EMID1: variants seen among roughly 807,000 people sequenced by gnomAD.
The protein encoded by EMID1 is EMI domain-containing protein 1.
EMID1 carries 40 observed loss-of-function variants against 60.6 expected under a neutral mutation model. That is an observed-to-expected ratio of 0.66 (90% CI 0.51 to 0.86). The LOEUF is 0.86. Ranked by LOEUF, EMID1 falls within the 40% of genes least tolerant of loss-of-function variation. EMID1 has a pLI of 0.00. For synonymous variants in EMID1, 242 were observed against 231.0 expected, an observed-to-expected ratio of 1.05 and a Z score of -0.43; for missense variants, 585 against 597.1, an observed-to-expected ratio of 0.98 and a Z score of 0.21.
intron 12 of EMID1, among the ~76,000 whole-genome samples, chr22:29,234,700 T>C (rs1449203903): frequency 6.6e-6 from 1 of 152,240 alleles, no homozygotes. Flanking sequence ...TGTTATTAGG[T>C]GCATTCACAT....
intron 3 of EMID1, among the ~76,000 whole-genome samples, chr22:29,222,460 A>G (rs1391052115): frequency 7.6e-6 from 1 of 130,738 alleles, no homozygotes; most frequent in Non-Finnish European, 1.6e-5. Context: ...GCTGGAGTGC[A>G]GTGGTGCAAT....
At chr22:29,226,622 C>A in intron 5 of EMID1, 71 bp downstream of exon 5, 1 of 1,481,376 alleles carries the variant, frequency 6.8e-7, no homozygotes, top group Non-Finnish European at 9.1e-7. Flanking sequence ...CCATCCCACC[C>A]TCCCCACCTC....
intron 12 of EMID1, among the ~76,000 whole-genome samples, chr22:29,242,469 A>T (rs1289988329): frequency 6.6e-6 from 1 of 152,172 alleles, no homozygotes; most frequent in East Asian, 1.9e-4. Flanking sequence ...AGATATTTTA[A>T]ACTCCTTTGC....
chr22:29,225,451 T>C (rs1008463794), intron 4 of EMID1, among the ~76,000 whole-genome samples: 2 of 152,240 alleles, frequency 1.3e-5, no homozygotes, highest in African/African-American at 4.8e-5. Flanking sequence ...CCATGACCCC[T>C]GGACTCTTGC....
At chr22:29,246,480 G>A (rs979286918) in intron 13 of EMID1, among the ~76,000 whole-genome samples, 9 of 152,184 alleles carry the variant, frequency 5.9e-5, no homozygotes, top group Non-Finnish European at 1.2e-4. Flanking sequence ...GCAGTGGGTG[G>A]GAGCCAGTGA....
intron 1 of EMID1, among the ~76,000 whole-genome samples, chr22:29,207,436 C>G (rs2039713214): frequency 6.6e-6 from 1 of 152,152 alleles, no homozygotes; most frequent in African/African-American, 2.4e-5. Flanking sequence ...CATGACCTGC[C>G]CAGAGCATGG....
chr22:29,232,723 G>A, intron 8 of EMID1: 1 of 292,970 alleles, frequency 3.4e-6, no homozygotes, highest in Non-Finnish European at 6.3e-6. Flanking sequence ...CTGGAATCCA[G>A]TTCTCGGAAC....
rs148444183 is a variant in EMID1, at chr22:29,249,914, C to T, written c.1120-4289C>T. 1.8e-4 allele frequency among the ~76,000 whole-genome samples: 28 copies of T among 152,198 alleles called. No homozygotes were observed. In the East Asian group the frequency reaches 5.4e-3, roughly 29 times the overall value. ...ACAGGTGTGAGCCACCACGCCTGGC[C>T]CCCAAAATGCCTTTTAAAGCTCTTT... is the stretch of plus-strand genomic sequence containing the variant. On this transcript the variant is annotated intron_variant, in intron 13 of 14. Transcript: ENST00000334018.
chr22:29,214,187 C>T (rs2039995539), intron 1 of EMID1, among the ~76,000 whole-genome samples: 1 of 152,198 alleles, frequency 6.6e-6, no homozygotes, highest in South Asian at 2.1e-4. Context: ...AGGGCCTCTC[C>T]TCTTGCATGC....
Position 29,234,352 on chromosome 22 carries a change from A to T in EMID1, c.1074+3A>T. 1 of 1,613,250 alleles carries T rather than the reference A, an allele frequency of 6.2e-7. No homozygotes were observed. The highest frequency in any genetic ancestry group is 1.1e-5 in the South Asian group (1 of 90,916). On this transcript the variant is annotated splice_donor_region_variant and intron_variant, in intron 12 of 14. Transcript: ENST00000334018. The stretch of plus-strand genomic sequence containing the variant: ...CCCAAGGCTCTGCTGGGCAGCGGGT[A>T]AGTGTTGCTGTCTGTCCCGCATTCA...
intron 3 of EMID1, among the ~76,000 whole-genome samples, chr22:29,224,005 C>T (rs1320306414): frequency 6.6e-6 from 1 of 152,246 alleles, no homozygotes; most frequent in South Asian, 2.1e-4. Context: ...GTGCCGGCCC[C>T]AGTCCTGGGC....
intron 5 of EMID1, among the ~76,000 whole-genome samples, chr22:29,229,317 C>A (rs553267312): frequency 6.6e-6 from 1 of 151,822 alleles, no homozygotes; most frequent in Non-Finnish European, 1.5e-5. Flanking sequence ...CTAGCCTGGA[C>A]GGCAGAGCTA....
intron 1 of EMID1, among the ~76,000 whole-genome samples, chr22:29,209,798 G>A (rs1385133986): frequency 1.3e-5 from 2 of 152,198 alleles, no homozygotes; most frequent in African/African-American, 4.8e-5. Context: ...GCTAAGATCA[G>A]AGGTGGGAGG....
rs749742420 is a variant in EMID1 at position 29,231,082 on chromosome 22, T to A, written c.528T>A (p.Pro176=). 19 of 1,613,702 alleles carry A rather than the reference T, an allele frequency of 1.2e-5. No individual in the cohort carries two copies. Among genetic ancestry groups the A allele is most frequent in the Middle Eastern group, 1.6e-4 (1 of 6,076 alleles). The part of the protein sequence containing the change: ...VPPTPATPED[P]APLWGPPPAQ... ...CAACACCAGCTACCCCTGAGGACCC[T>A]GCCCCGCTCTGGGGTCCCCCTCCTG... Residue 176 remains proline, a synonymous_variant, in exon 6 of 15, where the codon CCT becomes CCA. Coordinates refer to ENST00000334018, the MANE Select transcript of EMID1 (RefSeq NM_133455.4).
At position 29,254,140 on chromosome 22, in the gene EMID1, C is replaced by T. The variant is rs187532933; in HGVS notation, c.1120-63C>T. 81 of 1,608,876 alleles carry T rather than the reference C, an allele frequency of 5.0e-5. No individual in the cohort carries two copies. In the African/African-American group the frequency reaches 7.6e-4, roughly 15 times the overall value. On this transcript the variant is annotated intron_variant, in intron 13 of 14. Coordinates refer to ENST00000334018, the MANE Select transcript of EMID1 (RefSeq NM_133455.4). ...TCCCGGGTGGGGCATGGGCCACCGA[C>T]GGGCTTTGCAGGGTCCCCTCCCCTG... is the stretch of plus-strand genomic sequence containing the variant.
intron 5 of EMID1, 64 bp downstream of exon 5, chr22:29,226,615 TC>T: frequency 6.6e-7 from 1 of 1,521,326 alleles, no homozygotes; most frequent in Non-Finnish European, 8.9e-7. Context: ...GCAACCACCA[TC>T]CCACCCTCCC....
At chr22:29,208,366 C>T (rs1009763758) in intron 1 of EMID1, among the ~76,000 whole-genome samples, 10 of 152,188 alleles carry the variant, frequency 6.6e-5, no homozygotes, top group East Asian at 3.9e-4. Context: ...ACCCCCGGAA[C>T]CAGGGTGCCC....
intron 10 of EMID1, 63 bp downstream of exon 10, chr22:29,233,729 C>T: frequency 6.8e-7 from 1 of 1,464,200 alleles, no homozygotes; most frequent in Non-Finnish European, 9.5e-7. Flanking sequence ...ATGCATACAT[C>T]CATACATCTG....
chr22:29,255,314 A>G, intron 14 of EMID1: 1 of 1,521,602 alleles, frequency 6.6e-7, no homozygotes, highest in Non-Finnish European at 8.9e-7. Flanking sequence ...GCTCAGCTGG[A>G]GCTCCTGGCC....
Sources: gnomAD v4.1 joint callset for allele counts (sites outside exome capture counted in the v4.1 genomes callset) on GRCh38, gnomAD v4.1.1 for gene constraint, MANE v1.5 for transcripts, NCBI Gene and HGNC (gene_info 2026-07-23, HGNC 2026-07-21) for gene names.